The following SNTG1 variants were observed in gnomAD, a reference collection of about 807,000 sequenced individuals.
SNTG1 encodes syntrophin gamma 1.
SNTG1 carries 39 observed loss-of-function variants against 74.7 expected under a neutral mutation model. That is an observed-to-expected ratio of 0.52 (90% CI 0.40 to 0.68). SNTG1 has a LOEUF of 0.68. Among genes scored for constraint, SNTG1 ranks in the 30% least tolerant of loss-of-function variants. The probability of loss-of-function intolerance (pLI) is 0.00; values close to 1 mark genes in which losing one functional copy is unlikely to be tolerated. For synonymous variants in SNTG1, 254 were observed against 217.1 expected, an observed-to-expected ratio of 1.17 and a Z score of -1.49; for missense variants, 685 against 609.5, an observed-to-expected ratio of 1.12 and a Z score of -1.30.
intron 1 of SNTG1, among the ~76,000 whole-genome samples, chr8:49,980,696 T>C (rs1240738818): frequency 4.6e-5 from 7 of 151,896 alleles, no homozygotes; most frequent in East Asian, 1.9e-4. Context: ...TATAATTGAG[T>C]GTGGTAGAAA....
chr8:50,758,901 T>C (rs1433395379), intron 18 of SNTG1, among the ~76,000 whole-genome samples: 10 of 152,074 alleles, frequency 6.6e-5, no homozygotes, highest in Admixed American at 6.6e-4. Flanking sequence ...CGCCACTCTG[T>C]CTTCCAAAAT....
At chr8:50,779,686 A>G (rs1292675625) in intron 18 of SNTG1, among the ~76,000 whole-genome samples, 1 of 151,616 alleles carries the variant, frequency 6.6e-6, no homozygotes, top group Non-Finnish European at 1.5e-5. Context: ...CTAATCGAAT[A>G]CCCTTTATTT....
At chr8:50,445,107 T>A in intron 5 of SNTG1, among the ~76,000 whole-genome samples, 1 of 152,176 alleles carries the variant, frequency 6.6e-6, no homozygotes, top group East Asian at 1.9e-4. Flanking sequence ...TATTTTAGAC[T>A]TTCATATGAA....
intron 2 of SNTG1, among the ~76,000 whole-genome samples, chr8:50,330,138 G>C (rs1170479972): frequency 2.6e-5 from 4 of 152,154 alleles, no homozygotes; most frequent in African/African-American, 9.7e-5. Context: ...GGAAGTAATT[G>C]AATCATGGGG....
intron 2 of SNTG1, among the ~76,000 whole-genome samples, chr8:50,365,809 A>G (rs2131105391): frequency 6.6e-6 from 1 of 152,276 alleles, no homozygotes. Context: ...GTTCTTGCTT[A>G]TTCATTTTAA....
At chr8:50,727,928 G>A (rs1490783512) in intron 17 of SNTG1, among the ~76,000 whole-genome samples, 1 of 152,140 alleles carries the variant, frequency 6.6e-6, no homozygotes, top group Non-Finnish European at 1.5e-5. Flanking sequence ...CCCTGCAGAA[G>A]GTGACTCCTT....
At chr8:50,612,223 T>G (rs932842286) in intron 13 of SNTG1, among the ~76,000 whole-genome samples, 1 of 152,180 alleles carries the variant, frequency 6.6e-6, no homozygotes, top group Non-Finnish European at 1.5e-5. Context: ...AACCTTTATC[T>G]CCATAGTAAC....
intron 9 of SNTG1, among the ~76,000 whole-genome samples, chr8:50,506,163 A>G (rs1249797254): frequency 6.6e-6 from 1 of 152,048 alleles, no homozygotes; most frequent in Non-Finnish European, 1.5e-5. Flanking sequence ...TTCATCACAT[A>G]TTGAGGGTTA....
Position 50,536,805 on chromosome 8 carries a change from G to T in SNTG1, c.677G>T (p.Ser226Ile). Residue 226 changes from serine (S) to isoleucine (I), a missense_variant, in exon 11 of 19, where the codon AGT becomes ATT. Physicochemically the swap from Ser to Ile is moderately radical, Grantham distance 142. Transcript: ENST00000642720. Reference sequence around the variant, plus strand: ...CAGTATGTGCCCGGCACAGATTTGAGTCGGTGAGTCCGTGTTTAGGAGTTA... The same window carrying T: ...CAGTATGTGCCCGGCACAGATTTGATTCGGTGAGTCCGTGTTTAGGAGTTA... Reference protein sequence around the residue: ...FSQYVPGTDLSRQNAFQVIAV... With the variant: ...FSQYVPGTDLIRQNAFQVIAV... 6.2e-7 allele frequency: 1 copy of T among 1,613,822 alleles called. No homozygotes were observed. The highest frequency in any genetic ancestry group is 8.5e-7 in the Non-Finnish European group (1 of 1,179,770).
chr8:49,934,380 G>A (rs968533704), intron 1 of SNTG1, among the ~76,000 whole-genome samples: 1 of 151,172 alleles, frequency 6.6e-6, no homozygotes, highest in African/African-American at 2.4e-5. Flanking sequence ...TATCATTTTT[G>A]TAATATTATC....
At chr8:50,275,908 G>C (rs1330527680) in intron 2 of SNTG1, among the ~76,000 whole-genome samples, 3 of 152,058 alleles carry the variant, frequency 2.0e-5, no homozygotes, top group African/African-American at 7.2e-5. Flanking sequence ...TCTTTGCTCT[G>C]GTTTCTCTTG....
At chr8:50,690,903 C>G (rs1447055474) in intron 15 of SNTG1, among the ~76,000 whole-genome samples, 1 of 152,058 alleles carries the variant, frequency 6.6e-6, no homozygotes, top group East Asian at 1.9e-4. Context: ...GTAGGTCACT[C>G]AGGACTTGCT....
intron 2 of SNTG1, among the ~76,000 whole-genome samples, chr8:50,198,261 C>G (rs192124773): frequency 5.3e-5 from 8 of 152,098 alleles, no homozygotes; most frequent in Non-Finnish European, 7.4e-5. Context: ...TTGAATCCGC[C>G]GGCTCTGAAG....
At chr8:50,554,433 T>C (rs1384571543) in intron 12 of SNTG1, among the ~76,000 whole-genome samples, 1 of 152,082 alleles carries the variant, frequency 6.6e-6, no homozygotes, top group Non-Finnish European at 1.5e-5. Flanking sequence ...TTTTGGTTGA[T>C]ACATGTGGAA....
intron 13 of SNTG1, among the ~76,000 whole-genome samples, chr8:50,630,615 C>CTCT (rs1403768894): frequency 6.6e-6 from 1 of 152,140 alleles, no homozygotes; most frequent in Non-Finnish European, 1.5e-5. Flanking sequence ...AAAGCACCTC[C>CTCT]TCTTTATTTA....
intron 18 of SNTG1, among the ~76,000 whole-genome samples, chr8:50,782,584 G>A (rs1453706280): frequency 1.3e-5 from 2 of 152,034 alleles, no homozygotes; most frequent in Non-Finnish European, 2.9e-5. Flanking sequence ...CTCTGTATTG[G>A]TTATTCTAGT....
intron 1 of SNTG1, among the ~76,000 whole-genome samples, chr8:50,097,395 C>A (rs974685051): frequency 2.6e-5 from 4 of 152,082 alleles, no homozygotes; most frequent in Admixed American, 1.3e-4. Context: ...GAAATTATTT[C>A]TTTCTTGTAG....
intron 18 of SNTG1, among the ~76,000 whole-genome samples, chr8:50,768,095 G>T (rs1419087217): frequency 6.6e-6 from 1 of 151,912 alleles, no homozygotes; most frequent in African/African-American, 2.4e-5. Flanking sequence ...TTTTTAAATG[G>T]AGCTGATCAT....
intron 2 of SNTG1, among the ~76,000 whole-genome samples, chr8:50,203,673 G>T (rs866204183): frequency 3.3e-5 from 5 of 151,982 alleles, no homozygotes; most frequent in African/African-American, 1.2e-4. Context: ...AGCTGAAATT[G>T]AAGCTTAGTT....
Sources: gnomAD v4.1 joint callset for allele counts (sites outside exome capture counted in the v4.1 genomes callset) on GRCh38, gnomAD v4.1.1 for gene constraint, MANE v1.5 for transcripts, NCBI Gene and HGNC (gene_info 2026-07-23, HGNC 2026-07-21) for gene names.